ADAM29: variants seen among roughly 807,000 people sequenced by gnomAD.
ADAM29 encodes ADAM metallopeptidase domain 29.
For missense variants in ADAM29, 969 were observed against 1,001.8 expected, an observed-to-expected ratio of 0.97 and a Z score of 0.44; for synonymous variants, 367 against 342.3, an observed-to-expected ratio of 1.07 and a Z score of -0.80.
intron 4 of ADAM29, among the ~76,000 whole-genome samples, chr4:174,955,340 G>GT (rs750002672): frequency 1.7e-4 from 25 of 146,402 alleles, no homozygotes; most frequent in Non-Finnish European, 3.6e-4. Context: ...ATTTAAAAAA[G>GT]AAGAAGAAGA....
intron 4 of ADAM29, among the ~76,000 whole-genome samples, chr4:174,948,839 G>A (rs944604752): frequency 1.3e-5 from 2 of 152,130 alleles, no homozygotes. Context: ...TGGCACTGTG[G>A]GGGTGAGTTT....
intron 4 of ADAM29, among the ~76,000 whole-genome samples, chr4:174,939,977 C>T (rs1185797935): frequency 6.6e-6 from 1 of 152,024 alleles, no homozygotes; most frequent in Non-Finnish European, 1.5e-5. Context: ...TCCTTTCCTC[C>T]CTACCTCCCT....
chr4:174,942,261 TTACTGCTTCAC>T (rs1331046086), intron 4 of ADAM29, among the ~76,000 whole-genome samples: 1 of 152,190 alleles, frequency 6.6e-6, no homozygotes, highest in Non-Finnish European at 1.5e-5. Flanking sequence ...GGCCCTCTTC[TTACTGCTTCAC>T]TAGGCATTGC....
intron 4 of ADAM29, among the ~76,000 whole-genome samples, chr4:174,961,760 G>T (rs1429870963): frequency 6.6e-6 from 1 of 152,064 alleles, no homozygotes; most frequent in Non-Finnish European, 1.5e-5. Flanking sequence ...ATTCTTTCTT[G>T]TTTTAATTAT....
rs1746777294 is a variant in ADAM29, at chr4:174,976,181, C to G, written c.656C>G (p.Ser219Ter). The change falls in exon 5 of 5, where the codon TCA (serine) becomes TGA (stop). Residue 219 changes from serine to a stop codon, truncating the protein, a stop_gained. Transcript: ENST00000359240. LOFTEE classifies it low-confidence loss of function (END_TRUNC). ...TACATTCGTTATGAAAGGAACGACT[C>G]AAAGTTGCTGGAGGATCTATATGTT... ...YLYIRYERNDSKLLEDLYVIV... is the reference protein window; with the variant it reads ...YLYIRYERND 6.2e-7 allele frequency: 1 copy of G among 1,610,308 alleles called. No individual in the cohort carries two copies. Among genetic ancestry groups the G allele is most frequent in the Non-Finnish European group, 8.5e-7 (1 of 1,178,906 alleles).
rs192342902 is a variant in ADAM29 at position 174,954,259 on chromosome 4, A to G, written c.-181+17246A>G. ...CTTATAATCAGTCCCTTTGCCTCTC[A>G]TTTCCTGTATTGTCTCAAATCCCAT... On this transcript the variant is annotated intron_variant, in intron 4 of 4. Coordinates refer to ENST00000359240, the MANE Select transcript of ADAM29 (RefSeq NM_014269.4). 7.2e-5 allele frequency among the ~76,000 whole-genome samples: 11 copies of G among 152,018 alleles called. No individual in the cohort carries two copies. In the East Asian group the frequency reaches 1.9e-3, roughly 27 times the overall value.
At position 174,976,412 on chromosome 4, in the gene ADAM29, G is replaced by A. The variant is rs1371884529; in HGVS notation, c.887G>A (p.Gly296Glu). 3 of 1,597,852 alleles carry A rather than the reference G, an allele frequency of 1.9e-6. No individual in the cohort carries two copies. The highest frequency in any genetic ancestry group is 2.6e-6 in the Non-Finnish European group (3 of 1,173,262). ...CTTTTCACAACTCTAGGATTAAGAG[G>A]GTTAAGTGGCATAGGAGCTTTTAGA... ...SHLFTTLGLR[G>E]LSGIGAFRGM... The change falls in exon 5 of 5, where the codon GGG becomes GAG. Residue 296 changes from glycine to glutamate, a missense_variant. Coordinates refer to ENST00000359240, the MANE Select transcript of ADAM29 (RefSeq NM_014269.4).
chr4:174,954,051 C>T (rs764739411), intron 4 of ADAM29, among the ~76,000 whole-genome samples: 7 of 152,098 alleles, frequency 4.6e-5, no homozygotes, highest in Non-Finnish European at 5.9e-5. Context: ...CTGTCATTTC[C>T]ATTCTGCCAT....
intron 4 of ADAM29, among the ~76,000 whole-genome samples, chr4:174,952,350 CCACACA>C (rs70947476): frequency 0.031 from 4,519 of 144,936 alleles, 149 homozygotes; most frequent in African/African-American, 0.078. Flanking sequence ...AGTGCAATAA[CCACACA>C]CACACACACA....
intron 4 of ADAM29, among the ~76,000 whole-genome samples, chr4:174,973,961 T>A (rs919550401): frequency 1.3e-5 from 2 of 152,224 alleles, no homozygotes; most frequent in African/African-American, 4.8e-5. Flanking sequence ...TTGTATCAGC[T>A]AGGTAGGCCT....
chr4:174,940,693 G>A (rs917226308), intron 4 of ADAM29, among the ~76,000 whole-genome samples: 2 of 152,074 alleles, frequency 1.3e-5, no homozygotes, highest in African/African-American at 2.4e-5. Context: ...CACATGTGAA[G>A]TGGGGTCTTC....
At chr4:174,955,955 A>G (rs1423103391) in intron 4 of ADAM29, among the ~76,000 whole-genome samples, 1 of 152,046 alleles carries the variant, frequency 6.6e-6, no homozygotes, top group Non-Finnish European at 1.5e-5. Context: ...AGTAAGATGC[A>G]TTTTGATTAT....
chr4:174,971,219 T>A (rs1746463434), intron 4 of ADAM29, among the ~76,000 whole-genome samples: 1 of 152,204 alleles, frequency 6.6e-6, no homozygotes, highest in African/African-American at 2.4e-5. Context: ...ATATTTGTAA[T>A]GAATAAAAAA....
At chr4:174,921,586 A>G (rs996385492) in intron 2 of ADAM29, among the ~76,000 whole-genome samples, 2 of 152,218 alleles carry the variant, frequency 1.3e-5, no homozygotes, top group Admixed American at 6.5e-5. Context: ...ATATGTTACC[A>G]TGTTAAACTG....
intron 2 of ADAM29, among the ~76,000 whole-genome samples, chr4:174,923,519 TTATATGTATA>T (rs745480571): frequency 5.4e-4 from 20 of 36,774 alleles, no homozygotes; most frequent in Admixed American, 1.0e-3. Flanking sequence ...ATACTGTGCA[TTATATGTATA>T]TATATATATA....
chr4:174,958,156 G>A (rs1043535847), intron 4 of ADAM29, among the ~76,000 whole-genome samples: 17 of 151,650 alleles, frequency 1.1e-4, no homozygotes, highest in South Asian at 2.1e-4. Context: ...TTCTATAAAC[G>A]TCAATTTGAT....
At chr4:174,919,645 A>C (rs1743059411) in intron 1 of ADAM29, among the ~76,000 whole-genome samples, 1 of 152,146 alleles carries the variant, frequency 6.6e-6, no homozygotes, top group Admixed American at 6.6e-5. Flanking sequence ...CTTTACTGGC[A>C]GCTTTCAATA....
At chr4:174,952,290 C>T (rs530308962) in intron 4 of ADAM29, among the ~76,000 whole-genome samples, 3 of 151,524 alleles carry the variant, frequency 2.0e-5, no homozygotes, top group Non-Finnish European at 4.4e-5. Flanking sequence ...TGTTATGATC[C>T]ACAAGTCACA....
At chr4:174,928,484 G>C (rs1348170886) in intron 2 of ADAM29, among the ~76,000 whole-genome samples, 1 of 149,058 alleles carries the variant, frequency 6.7e-6, no homozygotes, top group Non-Finnish European at 1.5e-5. Context: ...CGACTGCATT[G>C]TAAGACCCAT....
Sources: gnomAD v4.1 joint callset for allele counts (sites outside exome capture counted in the v4.1 genomes callset) on GRCh38, gnomAD v4.1.1 for gene constraint, MANE v1.5 for transcripts, NCBI Gene and HGNC (gene_info 2026-07-23, HGNC 2026-07-21) for gene names.